THSD7A: variants seen among roughly 807,000 people sequenced by gnomAD.
THSD7A encodes the protein thrombospondin type-1 domain-containing protein 7A.
THSD7A carries 96 observed loss-of-function variants against 231.3 expected under a neutral mutation model. The ratio of observed to expected loss-of-function variants is 0.41; its 90% CI spans 0.35 to 0.49. The LOEUF (loss-of-function observed/expected upper bound fraction) is 0.49. Ranked by LOEUF, THSD7A falls within the 20% of genes least tolerant of loss-of-function variation. The pLI, the probability that THSD7A is intolerant of heterozygous loss-of-function variation, is 0.05. For synonymous variants in THSD7A, 940 were observed against 743.3 expected, an observed-to-expected ratio of 1.26 and a Z score of -4.30; for missense variants, 2,290 against 2,070.2, an observed-to-expected ratio of 1.11 and a Z score of -2.06.
chr7:11,799,175 C>T (rs2128180738), intron 1 of THSD7A, among the ~76,000 whole-genome samples: 1 of 152,268 alleles, frequency 6.6e-6, no homozygotes, highest in South Asian at 2.1e-4. Flanking sequence ...CCCGCCTTGG[C>T]CTCTCAAAGT....
At chr7:11,821,876 G>A (rs919760713) in intron 1 of THSD7A, among the ~76,000 whole-genome samples, 2 of 152,088 alleles carry the variant, frequency 1.3e-5, no homozygotes, top group Admixed American at 6.5e-5. Context: ...TACCCCAAAG[G>A]TTATGATTTC....
At chr7:11,546,202 G>GCGCACACACACACACACA (rs761841418) in intron 4 of THSD7A, among the ~76,000 whole-genome samples, 21 of 129,426 alleles carry the variant, frequency 1.6e-4, no homozygotes, top group Non-Finnish European at 2.3e-4. Flanking sequence ...GTGGGCGCGC[G>GCGCACACACACACACACA]CTCACACACA....
chr7:11,810,923 A>G (rs1239989121), intron 1 of THSD7A, among the ~76,000 whole-genome samples: 1 of 152,148 alleles, frequency 6.6e-6, no homozygotes, highest in Non-Finnish European at 1.5e-5. Context: ...GACTCCTCAA[A>G]TCAGGTTTAA....
At chr7:11,542,140 T>C (rs910087078) in intron 5 of THSD7A, among the ~76,000 whole-genome samples, 4 of 152,174 alleles carry the variant, frequency 2.6e-5, no homozygotes, top group African/African-American at 9.7e-5. Context: ...AGAAACAATC[T>C]CTTTGAGGTT....
intron 1 of THSD7A, among the ~76,000 whole-genome samples, chr7:11,769,140 TATATA>T (rs1177411076): frequency 6.4e-5 from 4 of 62,396 alleles, no homozygotes; most frequent in African/African-American, 2.1e-4. Context: ...TATATATATA[TATATA>T]TATATATATT....
At chr7:11,413,935 ATTCCCTGGCAGTCCCACCCC>A (rs1783874729) in intron 17 of THSD7A, 1 of 152,240 alleles carries the variant, frequency 6.6e-6, no homozygotes, top group African/African-American at 2.4e-5. Context: ...GCAAGCACCC[ATTCCCTGGCAGTCCCACCCC>A]TTCCCCCAAA....
intron 4 of THSD7A, among the ~76,000 whole-genome samples, chr7:11,587,273 T>C (rs1457158825): frequency 6.6e-6 from 1 of 152,192 alleles, no homozygotes; most frequent in Non-Finnish European, 1.5e-5. Context: ...CACGCCAGCA[T>C]AAGCTGGACA....
chr7:11,796,270 G>A (rs1373974844), intron 1 of THSD7A, among the ~76,000 whole-genome samples: 3 of 149,662 alleles, frequency 2.0e-5, no homozygotes, highest in African/African-American at 7.4e-5. Flanking sequence ...CTATTCTTGT[G>A]ACAAAATTTA....
At chr7:11,734,104 G>GT (rs1408134063) in intron 1 of THSD7A, among the ~76,000 whole-genome samples, 1 of 151,834 alleles carries the variant, frequency 6.6e-6, no homozygotes, top group Non-Finnish European at 1.5e-5. Context: ...TAGATGTCAT[G>GT]TCCAATTAGC....
chr7:11,783,411 G>A (rs942978232), intron 1 of THSD7A, among the ~76,000 whole-genome samples: 5 of 152,070 alleles, frequency 3.3e-5, no homozygotes, highest in African/African-American at 1.2e-4. Flanking sequence ...TGCTGAACGT[G>A]TATCACTCTC....
chr7:11,617,678 TTATTAGATGTTAA>T (rs1471921346), intron 2 of THSD7A, among the ~76,000 whole-genome samples: 2 of 152,208 alleles, frequency 1.3e-5, no homozygotes, highest in African/African-American at 4.8e-5. Flanking sequence ...GATTTACCTT[TTATTAGATGTTAA>T]TATTAGATGT....
chr7:11,766,008 A>G (rs1415560614), intron 1 of THSD7A, among the ~76,000 whole-genome samples: 1 of 152,174 alleles, frequency 6.6e-6, no homozygotes, highest in Admixed American at 6.5e-5. Context: ...CTTTGAGTGT[A>G]CACAGTGTCA....
chr7:11,564,065 G>A (rs970238740), intron 4 of THSD7A, among the ~76,000 whole-genome samples: 2 of 152,176 alleles, frequency 1.3e-5, no homozygotes, highest in African/African-American at 4.8e-5. Context: ...TGGAGTTAGA[G>A]AAGGTCTAGG....
chr7:11,499,509 G>T (rs1004013784), intron 6 of THSD7A, among the ~76,000 whole-genome samples: 1 of 152,184 alleles, frequency 6.6e-6, no homozygotes, highest in Admixed American at 6.5e-5. Context: ...TCATAATACG[G>T]ATAGGAACAA....
chr7:11,612,816 T>A (rs1257774316), intron 2 of THSD7A, among the ~76,000 whole-genome samples: 6 of 152,204 alleles, frequency 3.9e-5, no homozygotes, highest in Admixed American at 3.9e-4. Context: ...TGGTTAACTC[T>A]TAGTTGCCTT....
intron 1 of THSD7A, among the ~76,000 whole-genome samples, chr7:11,794,836 T>A (rs1162526112): frequency 6.6e-6 from 1 of 152,032 alleles, no homozygotes; most frequent in Admixed American, 6.6e-5. Context: ...GTCAGAGCAC[T>A]GTGCATGAGA....
intron 7 of THSD7A, among the ~76,000 whole-genome samples, chr7:11,477,960 A>G (rs1382221869): frequency 6.6e-6 from 1 of 152,200 alleles, no homozygotes; most frequent in African/African-American, 2.4e-5. Flanking sequence ...CAAATTGAAC[A>G]CCATGAATTC....
In THSD7A at chr7:11,774,487, T is replaced by TAC. The variant is rs71830837; in HGVS notation, c.190+57268_190+57269dup. On this transcript the variant is annotated intron_variant, in intron 1 of 27. Coordinates refer to ENST00000423059, the MANE Select transcript of THSD7A (RefSeq NM_015204.3). ...GGTTAGGTCTCATGTTAAGCATTCT[T>TAC]ACACACACACACACACACACACACA... Among the ~76,000 whole-genome samples, 1,255 of 149,012 alleles carry TAC rather than the reference T, an allele frequency of 8.4e-3. 17 individuals are homozygous for TAC. Among genetic ancestry groups the TAC allele is most frequent in the East Asian group, 0.073 (366 of 4,992 alleles).
intron 1 of THSD7A, among the ~76,000 whole-genome samples, chr7:11,647,064 C>T (rs935022864): frequency 1.3e-5 from 2 of 152,038 alleles, no homozygotes; most frequent in African/African-American, 4.8e-5. Flanking sequence ...TCTTCTTTGA[C>T]TCCTGTTCCT....
Sources: allele counts gnomAD v4.1 joint callset (sites outside exome capture counted in the v4.1 genomes callset), GRCh38; gene constraint gnomAD v4.1.1; transcripts MANE v1.5; gene names NCBI Gene and HGNC (gene_info 2026-07-23, HGNC 2026-07-21).